GPR158: variants seen among roughly 807,000 people sequenced by gnomAD.
GPR158 encodes G protein-coupled receptor 158.
In GPR158, 30 loss-of-function variants were observed where a neutral mutation model predicts 78.2. That is an observed-to-expected ratio of 0.38 (90% CI 0.29 to 0.52). The LOEUF (loss-of-function observed/expected upper bound fraction) is 0.52, where lower values mean the gene tolerates loss of function less well. GPR158 is among the 20% of genes least tolerant of loss of function. The pLI, the probability that GPR158 is intolerant of heterozygous loss-of-function variation, is 0.83. For missense variants in GPR158, 1,463 were observed against 1,523.5 expected (o/e 0.96, Z 0.66); for synonymous variants, 581 against 591.1 (o/e 0.98, Z 0.25).
chr10:25,361,947 G>A (rs1371605440), intron 2 of GPR158, among the ~76,000 whole-genome samples: 1 of 151,738 alleles, frequency 6.6e-6, no homozygotes, highest in Non-Finnish European at 1.5e-5. Context: ...ACTCTGTTGT[G>A]TCCTTCAGTG....
At chr10:25,458,571 TGAA>T (rs1226540561) in intron 4 of GPR158, among the ~76,000 whole-genome samples, 1 of 152,196 alleles carries the variant, frequency 6.6e-6, no homozygotes, top group Non-Finnish European at 1.5e-5. Context: ...GAAAGATTCA[TGAA>T]GAACTACTGT....
chr10:25,300,977 T>A (rs577007858), intron 2 of GPR158, among the ~76,000 whole-genome samples: 7 of 152,330 alleles, frequency 4.6e-5, no homozygotes, highest in African/African-American at 1.2e-4. Flanking sequence ...TTTTTTCATG[T>A]GGAGGCTGAG....
rs748082297 is a variant in GPR158 at position 25,594,347 on chromosome 10, C to T, written c.1948C>T (p.His650Tyr). 6.3e-7 allele frequency: 1 copy of T among 1,596,164 alleles called. No individual in the cohort carries two copies. The highest frequency in any genetic ancestry group is 1.7e-5 in the Admixed American group (1 of 59,642). ...SDWMLMLYFAHTHLTVTVTIG... is the reference protein window; with the variant it reads ...SDWMLMLYFAYTHLTVTVTIG... Reference sequence around the variant, plus strand: ...TTGGATGTTGATGCTGTATTTTGCACATACTCATTTGACTGTGACAGTCAC... The same window carrying T: ...TTGGATGTTGATGCTGTATTTTGCATATACTCATTTGACTGTGACAGTCAC... Residue 650 changes from histidine to tyrosine, a missense_variant, in exon 9 of 11, where the codon CAT (histidine) becomes TAT (tyrosine). Transcript: ENST00000376351.
chr10:25,342,430 T>G (rs11014507), intron 2 of GPR158, among the ~76,000 whole-genome samples: 1 of 151,914 alleles, frequency 6.6e-6, no homozygotes, highest in Non-Finnish European at 1.5e-5. Flanking sequence ...CACAGAAATG[T>G]GCTTTTCTGA....
intron 2 of GPR158, among the ~76,000 whole-genome samples, chr10:25,241,737 T>C (rs1010031809): frequency 1.3e-5 from 2 of 152,142 alleles, no homozygotes; most frequent in Non-Finnish European, 2.9e-5. Context: ...ACTTTGATAC[T>C]GAATAAGATA....
chr10:25,205,477 C>G (rs1409329851), intron 1 of GPR158, among the ~76,000 whole-genome samples: 1 of 150,724 alleles, frequency 6.6e-6, no homozygotes, highest in South Asian at 2.1e-4. Context: ...TTTCTTTTTT[C>G]TTTTTATGCA....
intron 2 of GPR158, among the ~76,000 whole-genome samples, chr10:25,306,998 C>T (rs545452377): frequency 2.1e-4 from 31 of 145,834 alleles, no homozygotes; most frequent in African/African-American, 8.3e-4. Context: ...CACACACACA[C>T]ATACGCACAC....
At chr10:25,403,829 C>A (rs1198805576) in intron 3 of GPR158, among the ~76,000 whole-genome samples, 2 of 151,988 alleles carry the variant, frequency 1.3e-5, no homozygotes, top group East Asian at 3.8e-4. Flanking sequence ...TTCAACTAAG[C>A]ATCTGTATTA....
intron 2 of GPR158, among the ~76,000 whole-genome samples, chr10:25,342,694 G>T (rs752052412): frequency 2.6e-5 from 4 of 151,370 alleles, no homozygotes; most frequent in Non-Finnish European, 5.9e-5. Flanking sequence ...TTTACTGATG[G>T]TATATAGGAA....
intron 2 of GPR158, among the ~76,000 whole-genome samples, chr10:25,350,215 C>A (rs1387831399): frequency 1.3e-5 from 2 of 151,686 alleles, no homozygotes; most frequent in African/African-American, 2.4e-5. Flanking sequence ...GAGGGGCAAC[C>A]CCATTCATTA....
chr10:25,402,937 A>G (rs1452687420), intron 3 of GPR158, among the ~76,000 whole-genome samples: 2 of 151,768 alleles, frequency 1.3e-5, no homozygotes, highest in Admixed American at 6.6e-5. Context: ...AAAATATTAT[A>G]TACTCATTCA....
chr10:25,217,355 G>T (rs1853231354), intron 1 of GPR158, among the ~76,000 whole-genome samples: 1 of 152,036 alleles, frequency 6.6e-6, no homozygotes. Flanking sequence ...TATAGAAATG[G>T]CTTCTGGTAA....
chr10:25,499,448 C>A (rs148669396), intron 5 of GPR158, among the ~76,000 whole-genome samples: 125 of 152,294 alleles, frequency 8.2e-4, no homozygotes, highest in African/African-American at 3.0e-3. Context: ...GAGGCTTCTT[C>A]CTGCTCTGTG....
At chr10:25,429,380 C>T (rs972581410) in intron 4 of GPR158, among the ~76,000 whole-genome samples, 1 of 152,062 alleles carries the variant, frequency 6.6e-6, no homozygotes. Context: ...ACAACACATA[C>T]CTCCATGTAT....
At chr10:25,430,622 C>T (rs1158936471) in intron 4 of GPR158, among the ~76,000 whole-genome samples, 1 of 150,934 alleles carries the variant, frequency 6.6e-6, no homozygotes, top group African/African-American at 2.5e-5. Flanking sequence ...TACTACAAGG[C>T]TACAGTAACC....
At chr10:25,407,348 A>G (rs1169728269) in intron 3 of GPR158, among the ~76,000 whole-genome samples, 4 of 152,216 alleles carry the variant, frequency 2.6e-5, no homozygotes, top group Admixed American at 2.6e-4. Context: ...TTTGTTTGGC[A>G]TTAATATTGG....
At chr10:25,425,940 C>G (rs558205956) in intron 4 of GPR158, among the ~76,000 whole-genome samples, 1 of 152,096 alleles carries the variant, frequency 6.6e-6, no homozygotes, top group Non-Finnish European at 1.5e-5. Flanking sequence ...TGTTTCCTAT[C>G]TACATGTTAT....
intron 4 of GPR158, among the ~76,000 whole-genome samples, chr10:25,439,684 A>T (rs1410928): frequency 0.82 from 125,230 of 152,116 alleles, 52,620 homozygotes; most frequent in African/African-American, 0.88. Context: ...ATCCTTGAGG[A>T]TGCAGAGCTA....
chr10:25,290,495 A>C (rs1854419625), intron 2 of GPR158, among the ~76,000 whole-genome samples: 1 of 152,172 alleles, frequency 6.6e-6, no homozygotes, highest in Admixed American at 6.5e-5. Flanking sequence ...TAAACCTTAA[A>C]ATAGTTTATC....
Sources: gnomAD v4.1 joint callset for allele counts (sites outside exome capture counted in the v4.1 genomes callset) on GRCh38, gnomAD v4.1.1 for gene constraint, MANE v1.5 for transcripts, NCBI Gene and HGNC (gene_info 2026-07-23, HGNC 2026-07-21) for gene names.